The following POLN variants were observed in gnomAD, a reference collection of about 807,000 sequenced individuals.
POLN encodes the protein DNA polymerase N.
POLN carries 108 observed loss-of-function variants against 113.5 expected under a neutral mutation model. The ratio of observed to expected loss-of-function variants is 0.95; its 90% confidence interval spans 0.81 to 1.12. The LOEUF (loss-of-function observed/expected upper bound fraction) is 1.12, where lower values mean the gene tolerates loss of function less well. POLN is among the 50% of genes most tolerant of loss of function. The pLI is 0.00. For missense variants in POLN, 1,097 were observed against 1,077.1 expected (o/e 1.02, Z -0.26); for synonymous variants, 386 against 391.5 (o/e 0.99, Z 0.17).
At chr4:2,156,545 TGG>T (rs1491198321) in intron 16 of POLN, 3 of 490,208 alleles carry the variant, frequency 6.1e-6, no homozygotes, top group South Asian at 3.3e-5. Flanking sequence ...GCCTGCACAC[TGG>T]AGTGCATGGG....
chr4:2,186,595 T>G (rs1037214592), intron 7 of POLN, among the ~76,000 whole-genome samples: 2 of 152,016 alleles, frequency 1.3e-5, no homozygotes, highest in Non-Finnish European at 2.9e-5. Context: ...AAAAAGATAT[T>G]TAACAGGTAT....
chr4:2,199,244 A>G (rs1221346991), intron 5 of POLN, among the ~76,000 whole-genome samples: 5 of 152,226 alleles, frequency 3.3e-5, no homozygotes, highest in Admixed American at 6.5e-5. Context: ...CAGGATATGT[A>G]TGCTGAAAAC....
intron 3 of POLN, among the ~76,000 whole-genome samples, chr4:2,218,260 C>T (rs562943019): frequency 1.3e-3 from 185 of 146,198 alleles, no homozygotes; most frequent in Non-Finnish European, 2.4e-3. Context: ...GGAGAAAGCC[C>T]GTCTCTACTA....
intron 3 of POLN, among the ~76,000 whole-genome samples, chr4:2,215,925 G>A (rs1256185566): frequency 1.3e-5 from 2 of 152,158 alleles, no homozygotes; most frequent in African/African-American, 4.8e-5. Flanking sequence ...GCTCTAGGTG[G>A]CTTAGCTTAC....
At chr4:2,132,961 G>A (rs376629210) in intron 16 of POLN, among the ~76,000 whole-genome samples, 2 of 152,084 alleles carry the variant, frequency 1.3e-5, no homozygotes, top group African/African-American at 4.8e-5. Context: ...GAGTTCAATG[G>A]CTTTTGTAAG....
chr4:2,079,634 G>A, intron 23 of POLN: 1 of 982,292 alleles, frequency 1.0e-6, no homozygotes, highest in Non-Finnish European at 1.2e-6. Context: ...ACCCAGGCTG[G>A]AGTGCAGTGG....
chr4:2,128,341 C>A (rs1731636897), intron 18 of POLN, 114 bp from the exon 19 acceptor site: 1 of 631,522 alleles, frequency 1.6e-6, no homozygotes, highest in Non-Finnish European at 2.8e-6. Context: ...AGGTCCATGT[C>A]CCTGCCTCCC....
At chr4:2,144,729 C>T (rs1732091922) in intron 16 of POLN, among the ~76,000 whole-genome samples, 1 of 152,098 alleles carries the variant, frequency 6.6e-6, no homozygotes, top group Non-Finnish European at 1.5e-5. Flanking sequence ...GATGTAAGTC[C>T]CTGGTTTTAC....
intron 19 of POLN, among the ~76,000 whole-genome samples, chr4:2,122,067 C>G (rs555512657): frequency 3.3e-5 from 5 of 152,118 alleles, no homozygotes; most frequent in Admixed American, 6.5e-5. Context: ...AGCTTTGGGC[C>G]CACTGAAGAA....
chr4:2,199,958 A>C (rs1181535842), intron 5 of POLN, among the ~76,000 whole-genome samples: 1 of 152,246 alleles, frequency 6.6e-6, no homozygotes, highest in African/African-American at 2.4e-5. Flanking sequence ...TGCCTTTAAA[A>C]AAATGAAAGG....
At chr4:2,079,324 C>T (rs1363532650) in intron 23 of POLN, 1 of 731,668 alleles carries the variant, frequency 1.4e-6, no homozygotes, top group Non-Finnish European at 1.7e-6. Flanking sequence ...ACAAGCTGCT[C>T]ATATCCTGGG....
intron 19 of POLN, among the ~76,000 whole-genome samples, chr4:2,107,970 T>G (rs1421828669): frequency 6.6e-6 from 1 of 152,196 alleles, no homozygotes; most frequent in Non-Finnish European, 1.5e-5. Context: ...CCATGACACC[T>G]TTGCGATGCT....
chr4:2,095,438 C>T (rs1333297992), intron 20 of POLN, among the ~76,000 whole-genome samples: 1 of 152,204 alleles, frequency 6.6e-6, no homozygotes, highest in African/African-American at 2.4e-5. Context: ...GAGCTCTGCC[C>T]TAGGGAGATG....
chr4:2,142,751 G>A (rs1732033897), intron 16 of POLN, among the ~76,000 whole-genome samples: 3 of 152,012 alleles, frequency 2.0e-5, no homozygotes, highest in African/African-American at 7.2e-5. Context: ...AGCCTAGCGA[G>A]AAAGAAAACC....
intron 20 of POLN, among the ~76,000 whole-genome samples, chr4:2,092,104 C>T (rs1242463361): frequency 2.0e-5 from 3 of 152,204 alleles, no homozygotes; most frequent in Non-Finnish European, 4.4e-5. Context: ...CCCTTGGCAC[C>T]AGGGACTCCT....
chr4:2,209,993 T>A (rs934392578), intron 4 of POLN, among the ~76,000 whole-genome samples: 1 of 143,166 alleles, frequency 7.0e-6, no homozygotes, highest in Non-Finnish European at 1.5e-5. Context: ...TTTATATATA[T>A]ATATAAATTT....
At chr4:2,087,709 C>T (rs1351880941) in intron 20 of POLN, among the ~76,000 whole-genome samples, 1 of 152,042 alleles carries the variant, frequency 6.6e-6, no homozygotes, top group Non-Finnish European at 1.5e-5. Context: ...CCATGATTGC[C>T]TTCTCTCTTG....
intron 16 of POLN, among the ~76,000 whole-genome samples, chr4:2,147,879 G>A (rs1200447628): frequency 1.3e-5 from 2 of 152,054 alleles, no homozygotes; most frequent in Non-Finnish European, 2.9e-5. Context: ...CTGACCTCAG[G>A]TGATCTGCCT....
At chr4:2,210,691 G>A (rs1253434176) in intron 4 of POLN, among the ~76,000 whole-genome samples, 1 of 148,814 alleles carries the variant, frequency 6.7e-6, no homozygotes, top group African/African-American at 2.5e-5. Context: ...GGGAGGCCCG[G>A]GCAGATGGAT....
Sources: allele counts gnomAD v4.1 joint callset (sites outside exome capture counted in the v4.1 genomes callset), GRCh38; gene constraint gnomAD v4.1.1; transcripts MANE v1.5; gene names NCBI Gene and HGNC (gene_info 2026-07-23, HGNC 2026-07-21).